The following PYY variants were observed in gnomAD, a reference collection of about 807,000 sequenced individuals.
The protein encoded by PYY is peptide YY.
A neutral mutation model predicts 10.3 loss-of-function variants in PYY; 12 were observed. That is an observed-to-expected ratio of 1.17 (90% CI 0.75 to 1.89). The LOEUF (loss-of-function observed/expected upper bound fraction) is 1.89. Ranked by LOEUF, PYY falls within the 40% of genes most tolerant of loss-of-function variation. The probability of loss-of-function intolerance (pLI) is 0.00; values close to 1 mark genes in which losing one functional copy is unlikely to be tolerated. For missense variants in PYY, 141 were observed against 134.0 expected (o/e 1.05, Z -0.26); for synonymous variants, 66 against 62.0 (o/e 1.06, Z -0.30).
intron 2 of PYY, 45 bp downstream of exon 2, chr17:43,953,251 C>A (rs750790613): frequency 6.2e-7 from 1 of 1,608,422 alleles, no homozygotes; most frequent in Middle Eastern, 1.7e-4. Context: ...GGAGCGGGGC[C>A]GCAGGGTGAG....
At chr17:43,993,960 C>T (rs1027002895) in intron 1 of PYY, among the ~76,000 whole-genome samples, 13 of 151,926 alleles carry the variant, frequency 8.6e-5, no homozygotes, top group Non-Finnish European at 2.9e-5. Context: ...TTCAAGTGAT[C>T]CTCCCACCTC....
At chr17:43,980,289 G>A (rs1429288134) in intron 1 of PYY, among the ~76,000 whole-genome samples, 6 of 150,246 alleles carry the variant, frequency 4.0e-5, no homozygotes, top group African/African-American at 9.8e-5. Flanking sequence ...TCTGCCTCCC[G>A]AGTAGCTGGG....
chr17:43,981,976 G>T (rs2048886545), intron 1 of PYY, among the ~76,000 whole-genome samples: 2 of 151,998 alleles, frequency 1.3e-5, no homozygotes, highest in Admixed American at 1.3e-4. Flanking sequence ...TCTCTTAATG[G>T]TATGATCAAT....
chr17:43,953,530 A>G, intron 1 of PYY, 47 bp from the exon 2 acceptor site: 8 of 1,496,360 alleles, frequency 5.3e-6, no homozygotes, highest in Non-Finnish European at 7.2e-6. Flanking sequence ...CCTCGACCCT[A>G]CACGGCGGGA....
chr17:43,968,796 A>ATAGG (rs1182411518), intron 1 of PYY, among the ~76,000 whole-genome samples: 3 of 140,538 alleles, frequency 2.1e-5, no homozygotes, highest in East Asian at 2.2e-4. Flanking sequence ...TGGGCAGCAG[A>ATAGG]GTGTGACTCC....
In PYY at chr17:43,952,938, A is replaced by G. The variant is rs759687086; in HGVS notation, c.*18T>C. 1 of 1,537,996 alleles carries G rather than the reference A, an allele frequency of 6.5e-7. No homozygotes were observed. The highest frequency in any genetic ancestry group is 2.3e-5 in the East Asian group (1 of 42,924). On this transcript the variant is annotated 3_prime_UTR_variant, in exon 4 of 4. Transcript: ENST00000692052. ...CGTGGGCGTGGTTGGCAGATCTCCC[A>G]GGAGGCCTCAGGGGTCCTCACCACA...
chr17:43,963,606 G>GAAAGAAAGAAAGAAAGAA (rs2048731956), intron 2 of PYY, among the ~76,000 whole-genome samples: 1 of 89,912 alleles, frequency 1.1e-5, no homozygotes, highest in Admixed American at 1.1e-4. Flanking sequence ...AAGAAAGAAA[G>GAAAGAAAGAAAGAAAGAA]AAAGAAAGAA....
At position 43,987,267 on chromosome 17, in the gene PYY, G is replaced by C. The variant is rs1236119097; in HGVS notation, c.-463+17124C>G. On this transcript the variant is annotated intron_variant, in intron 1 of 6. Coordinates refer to the PYY transcript ENST00000360085. The surrounding 1 kb of genome is among the most constrained non-coding windows in gnomAD (Gnocchi z 4.0). The stretch of plus-strand genomic sequence containing the variant: ...CCCTCCCTCCCCGCCGCTGCTCTCT[G>C]ACTTAATTACTTCTCCTCCTGGCTG... 1.3e-5 allele frequency among the ~76,000 whole-genome samples: 2 copies of C among 152,128 alleles called. No homozygotes were observed. Among genetic ancestry groups the C allele is most frequent in the Admixed American group, 1.3e-4 (2 of 15,272 alleles).
chr17:43,961,395 A>G (rs1429258191), intron 2 of PYY, among the ~76,000 whole-genome samples: 1 of 152,170 alleles, frequency 6.6e-6, no homozygotes, highest in East Asian at 1.9e-4. Context: ...CATCCTGTAC[A>G]TGTACCCCTC....
In PYY at chr17:43,960,176, G is replaced by T. The variant is rs138075601; in HGVS notation, c.-217-2148C>A. Among the ~76,000 whole-genome samples, 40 of 152,246 alleles carry T rather than the reference G, an allele frequency of 2.6e-4. 2 individuals are homozygous for T. In the East Asian group the frequency reaches 7.7e-3, roughly 29 times the overall value. ...AACCAAGCTGGTAGCCAGGGGATAGGGTGCCTCTGATCTACAAGGAGCCCA... is the reference window on the plus strand; with the variant it reads ...AACCAAGCTGGTAGCCAGGGGATAGTGTGCCTCTGATCTACAAGGAGCCCA... On this transcript the variant is annotated intron_variant, in intron 2 of 6. Coordinates refer to the PYY transcript ENST00000360085.
At chr17:43,954,455 G>A (rs2048659219), upstream of PYY, among the ~76,000 whole-genome samples, 1 of 152,210 alleles carries the variant, frequency 6.6e-6, no homozygotes, top group African/African-American at 2.4e-5. Context: ...TCTTTCTCCT[G>A]GAGGCAGGGT....
At chr17:43,988,312 GCTTTACGAGC>G (rs915763610) in intron 1 of PYY, among the ~76,000 whole-genome samples, 1 of 152,230 alleles carries the variant, frequency 6.6e-6, no homozygotes, top group Non-Finnish European at 1.5e-5. Flanking sequence ...CGGAAAGGGA[GCTTTACGAGC>G]GTAAAAGCTC....
chr17:44,001,351 G>A (rs1467151770), intron 1 of PYY, among the ~76,000 whole-genome samples: 1 of 152,072 alleles, frequency 6.6e-6, no homozygotes, highest in Non-Finnish European at 1.5e-5. Flanking sequence ...CCTGAACCTG[G>A]GCACAATGAC....
chr17:43,992,251 C>T (rs1272062217), intron 1 of PYY, among the ~76,000 whole-genome samples: 2 of 151,688 alleles, frequency 1.3e-5, no homozygotes. Flanking sequence ...TCATTTATAA[C>T]CATATATAAA....
At chr17:43,981,177 A>G (rs950577393) in intron 1 of PYY, among the ~76,000 whole-genome samples, 3 of 152,114 alleles carry the variant, frequency 2.0e-5, no homozygotes, top group African/African-American at 7.2e-5. Context: ...CGAGCAGAAC[A>G]TTCTTGGAAG....
chr17:43,989,208 G>A (rs573345854), intron 1 of PYY, among the ~76,000 whole-genome samples: 7,615 of 151,806 alleles, frequency 0.05, 245 homozygotes, highest in Non-Finnish European at 0.064. Context: ...CCCCGTCTCT[G>A]CTAAAAATAC....
chr17:43,993,851 A>T (rs1210247708), intron 1 of PYY, among the ~76,000 whole-genome samples: 1 of 150,828 alleles, frequency 6.6e-6, no homozygotes, highest in East Asian at 2.0e-4. Context: ...ATTATTTATT[A>T]ATTATTATTA....
At chr17:43,997,581 C>T (rs570919641) in intron 1 of PYY, among the ~76,000 whole-genome samples, 7 of 152,126 alleles carry the variant, frequency 4.6e-5, no homozygotes, top group African/African-American at 9.6e-5. Context: ...ACAAGGACTT[C>T]GACTTTTACT....
rs1188844617 is a variant in PYY at position 43,976,107 on chromosome 17, G to A, written c.-462-9575C>T. On this transcript the variant is annotated intron_variant, in intron 1 of 6. Transcript: ENST00000360085. Reference sequence around the variant, plus strand: ...TATACATGAATATGCATATATACGTGTATACATGTATACGTATATATGTAT... The same window carrying A: ...TATACATGAATATGCATATATACGTATATACATGTATACGTATATATGTAT... Among the ~76,000 whole-genome samples the A allele has an allele frequency of 4.0e-3, 444 of 110,464 alleles. 10 individuals carry two copies. The highest frequency in any genetic ancestry group is 0.014 in the African/African-American group (408 of 29,514). 72.5% of individuals were successfully genotyped at this position (110,464 alleles called of 152,430 possible).
Sources: gnomAD v4.1 joint callset for allele counts (sites outside exome capture counted in the v4.1 genomes callset) on GRCh38, gnomAD v4.1.1 for gene constraint, Gnocchi (gnomAD v3.1) non-coding constraint, MANE v1.5 for transcripts, NCBI Gene and HGNC (gene_info 2026-07-23, HGNC 2026-07-21) for gene names.